GALNTL6: variants seen among roughly 807,000 people sequenced by gnomAD.
GALNTL6 encodes the protein polypeptide N-acetylgalactosaminyltransferase like 6.
In GALNTL6, 46 loss-of-function variants were observed where a neutral mutation model predicts 73.7. The ratio of observed to expected loss-of-function variants is 0.62; its 90% CI spans 0.49 to 0.80. The LOEUF is 0.80. GALNTL6 is among the 30% of genes least tolerant of loss of function. GALNTL6 has a pLI of 0.00. For synonymous variants in GALNTL6, 259 were observed against 263.7 expected, an observed-to-expected ratio of 0.98 and a Z score of 0.17; for missense variants, 604 against 755.0, an observed-to-expected ratio of 0.80 and a Z score of 2.34.
At chr4:172,144,361 A>G (rs1733873329) in intron 2 of GALNTL6, among the ~76,000 whole-genome samples, 1 of 152,216 alleles carries the variant, frequency 6.6e-6, no homozygotes, top group Non-Finnish European at 1.5e-5. Context: ...TACTAAATCC[A>G]GGTTCCAGTT....
At chr4:172,415,945 A>C (rs1222754042) in intron 5 of GALNTL6, among the ~76,000 whole-genome samples, 1 of 152,144 alleles carries the variant, frequency 6.6e-6, no homozygotes, top group African/African-American at 2.4e-5. Context: ...GGAACGTAGC[A>C]CCAGGCTGTC....
intron 5 of GALNTL6, among the ~76,000 whole-genome samples, chr4:172,637,978 C>T (rs1739773325): frequency 6.6e-6 from 1 of 152,180 alleles, no homozygotes; most frequent in Non-Finnish European, 1.5e-5. Context: ...GAACCATCAT[C>T]AGAAGAATGC....
chr4:172,675,554 C>A (rs527492501), intron 5 of GALNTL6, among the ~76,000 whole-genome samples: 1 of 152,222 alleles, frequency 6.6e-6, no homozygotes, highest in African/African-American at 2.4e-5. Flanking sequence ...CTTCTCCATG[C>A]CCCACAAGCA....
At chr4:171,922,162 T>A (rs1485940633) in intron 2 of GALNTL6, among the ~76,000 whole-genome samples, 2 of 152,044 alleles carry the variant, frequency 1.3e-5, no homozygotes, top group Admixed American at 1.3e-4. Context: ...GTTTTTCTTT[T>A]GTTTCCTTTC....
chr4:173,010,787 A>C (rs1315484419), intron 11 of GALNTL6, among the ~76,000 whole-genome samples: 1 of 135,802 alleles, frequency 7.4e-6, no homozygotes, highest in African/African-American at 2.9e-5. Context: ...TTTTTTTTTT[A>C]GTAGAGACAG....
intron 5 of GALNTL6, among the ~76,000 whole-genome samples, chr4:172,655,784 G>T (rs1005577936): frequency 5.3e-5 from 8 of 152,110 alleles, no homozygotes; most frequent in African/African-American, 1.9e-4. Flanking sequence ...CAAAAAATAA[G>T]ATAAGTTAAA....
intron 5 of GALNTL6, among the ~76,000 whole-genome samples, chr4:172,595,977 T>C (rs1172371486): frequency 6.6e-6 from 1 of 151,984 alleles, no homozygotes; most frequent in Admixed American, 6.6e-5. Context: ...CATATAAACT[T>C]ATATAAAACA....
chr4:172,813,128 T>G (rs539188436), intron 6 of GALNTL6, among the ~76,000 whole-genome samples: 1 of 152,242 alleles, frequency 6.6e-6, no homozygotes, highest in African/African-American at 2.4e-5. Flanking sequence ...AATATTTACT[T>G]TTTGGAACCT....
chr4:172,268,947 G>A lies in GALNTL6; in HGVS notation c.247+39183G>A, dbSNP rs530291817. Among the ~76,000 whole-genome samples, 3 of 152,112 alleles carry A rather than the reference G, an allele frequency of 2.0e-5. No individual in the cohort carries two copies. In the South Asian group the frequency reaches 6.2e-4, roughly 32 times the overall value. On this transcript the variant is annotated intron_variant, in intron 3 of 12. Transcript: ENST00000506823. ...TGTTTGTAAAGCCAACCAGTCTATG[G>A]TATTTTGTTATAGCAGCCCAAGTTG...
chr4:172,718,265 A>T (rs544210584), intron 5 of GALNTL6, among the ~76,000 whole-genome samples: 1 of 152,158 alleles, frequency 6.6e-6, no homozygotes, highest in African/African-American at 2.4e-5. Context: ...ACATTTCCTG[A>T]TTTATATCAT....
intron 2 of GALNTL6, among the ~76,000 whole-genome samples, chr4:171,921,503 G>A (rs1737785762): frequency 6.6e-6 from 1 of 152,012 alleles, no homozygotes. Flanking sequence ...GGCTTATAAA[G>A]AGCACAAGAT....
At chr4:171,873,803 C>T (rs978073116) in intron 2 of GALNTL6, among the ~76,000 whole-genome samples, 2 of 152,110 alleles carry the variant, frequency 1.3e-5, no homozygotes, top group Non-Finnish European at 2.9e-5. Flanking sequence ...CTGTACTTAA[C>T]TATACTTTTA....
chr4:172,886,545 C>T (rs1329496100), intron 8 of GALNTL6, among the ~76,000 whole-genome samples: 1 of 152,220 alleles, frequency 6.6e-6, no homozygotes, highest in East Asian at 1.9e-4. Flanking sequence ...GCTGGCGGAT[C>T]ACAAGGTCAG....
intron 2 of GALNTL6, among the ~76,000 whole-genome samples, chr4:171,904,671 C>T (rs901343629): frequency 6.6e-6 from 1 of 152,108 alleles, no homozygotes; most frequent in Non-Finnish European, 1.5e-5. Flanking sequence ...CTGAGAAGAG[C>T]AACTCCAAGA....
In GALNTL6 at chr4:172,018,715, C is replaced by T. The variant is rs188836715; in HGVS notation, c.138+203997C>T. On this transcript the variant is annotated intron_variant, in intron 2 of 12. Transcript: ENST00000506823. ...ATACCAACTTCTGCACTCAAATCTGCAACAGTTCCCTTTTACCCCTGGATT... is the reference window on the plus strand; with the variant it reads ...ATACCAACTTCTGCACTCAAATCTGTAACAGTTCCCTTTTACCCCTGGATT... Among the ~76,000 whole-genome samples the T allele has an allele frequency of 7.8e-3, 1,182 of 152,248 alleles. 20 individuals are homozygous for T. The highest frequency in any genetic ancestry group is 0.025 in the African/African-American group (1,038 of 41,558).
chr4:172,094,952 T>A (rs1350175253), intron 2 of GALNTL6, among the ~76,000 whole-genome samples: 2 of 151,894 alleles, frequency 1.3e-5, no homozygotes, highest in Non-Finnish European at 2.9e-5. Context: ...TTTTTTGTTT[T>A]TTGTTTTTTT....
chr4:172,451,040 C>T (rs765576821), intron 5 of GALNTL6, among the ~76,000 whole-genome samples: 8 of 152,192 alleles, frequency 5.3e-5, no homozygotes, highest in Non-Finnish European at 8.8e-5. Flanking sequence ...AGTGCCCAGA[C>T]TCTGTTCAGC....
intron 2 of GALNTL6, among the ~76,000 whole-genome samples, chr4:172,083,543 T>G (rs1000286351): frequency 3.3e-5 from 5 of 152,196 alleles, no homozygotes; most frequent in Non-Finnish European, 7.3e-5. Flanking sequence ...AGAAATAGAA[T>G]TCCCTTAGAT....
chr4:171,957,968 A>T (rs2111042185), intron 2 of GALNTL6, among the ~76,000 whole-genome samples: 1 of 152,356 alleles, frequency 6.6e-6, no homozygotes, highest in Non-Finnish European at 1.5e-5. Context: ...AAAAGACAGC[A>T]TAAATAATGA....
Sources: allele counts gnomAD v4.1 joint callset (sites outside exome capture counted in the v4.1 genomes callset), GRCh38; gene constraint gnomAD v4.1.1; transcripts MANE v1.5; gene names NCBI Gene and HGNC (gene_info 2026-07-23, HGNC 2026-07-21).